Variants in RBFOX3 observed in about 807,000 individuals in gnomAD.
The protein encoded by RBFOX3 is RNA binding fox-1 homolog 3.
Under a neutral mutation model 48.7 loss-of-function variants are expected in RBFOX3, and 17 were observed. That is an observed-to-expected ratio of 0.35 (90% confidence interval 0.24 to 0.52). The LOEUF is 0.52. Ranked by LOEUF, RBFOX3 falls within the 20% of genes least tolerant of loss-of-function variation. The pLI is 0.94. For missense variants in RBFOX3, 382 were observed against 497.5 expected (o/e 0.77, Z 2.21); for synonymous variants, 212 against 209.5 (o/e 1.01, Z -0.10).
chr17:79,161,757 G>A (rs1303658170), intron 4 of RBFOX3, among the ~76,000 whole-genome samples: 1 of 39,852 alleles, frequency 2.5e-5, no homozygotes, highest in East Asian at 8.7e-4. Flanking sequence ...CATCACACCC[G>A]GCTAATTTTT....
Position 79,090,759 on chromosome 17 carries a change from G to A in RBFOX3, c.*124C>T. On this transcript the variant is annotated 3_prime_UTR_variant, in exon 15 of 15. Transcript: ENST00000693108. Reference sequence around the variant, plus strand: ...ACTTGGACTTGGTTGGATGCCTCTTGGTTTGGTTGGTTTTTTTTTTGTTGC... The same window carrying A: ...ACTTGGACTTGGTTGGATGCCTCTTAGTTTGGTTGGTTTTTTTTTTGTTGC... The A allele has an allele frequency of 8.2e-7, 1 of 1,223,774 alleles. No homozygotes were observed. The highest frequency in any genetic ancestry group is 1.7e-5 in the African/African-American group (1 of 60,582). The allele number at this position is 1,223,774 out of a possible 1,614,324, so 75.8% of individuals were successfully genotyped here.
At chr17:79,532,207 G>T (rs1339872044) in intron 1 of RBFOX3, among the ~76,000 whole-genome samples, 1 of 150,352 alleles carries the variant, frequency 6.7e-6, no homozygotes, top group Non-Finnish European at 1.5e-5. Context: ...GGAGGGGGGA[G>T]GGGAGGAGGA....
intron 1 of RBFOX3, among the ~76,000 whole-genome samples, chr17:79,512,540 G>A (rs904054301): frequency 1.4e-5 from 2 of 146,428 alleles, no homozygotes; most frequent in South Asian, 2.2e-4. Flanking sequence ...TGTTACCATC[G>A]GGTACAGCCC....
chr17:79,200,380 A>G (rs2146802355), intron 4 of RBFOX3, among the ~76,000 whole-genome samples: 1 of 152,334 alleles, frequency 6.6e-6, no homozygotes, highest in East Asian at 1.9e-4. Context: ...GGCAGCAGGC[A>G]GGGGGGCCAC....
At chr17:79,436,872 T>G (rs1555731427) in intron 2 of RBFOX3, among the ~76,000 whole-genome samples, 1 of 152,008 alleles carries the variant, frequency 6.6e-6, no homozygotes, top group Non-Finnish European at 1.5e-5. Flanking sequence ...GACAAAAAAC[T>G]GCCACCCACC....
chr17:79,321,169 C>T (rs1247222627), intron 2 of RBFOX3, among the ~76,000 whole-genome samples: 1 of 152,202 alleles, frequency 6.6e-6, no homozygotes, highest in Non-Finnish European at 1.5e-5. Flanking sequence ...CTGCAATGGG[C>T]TCAAAGACCA....
At chr17:79,222,299 G>A (rs1398863541) in intron 4 of RBFOX3, among the ~76,000 whole-genome samples, 2 of 151,816 alleles carry the variant, frequency 1.3e-5, no homozygotes, top group Non-Finnish European at 2.9e-5. Context: ...CTGGCCAGAA[G>A]GTACAGAGGC....
At chr17:79,186,957 C>G (rs1445423398) in intron 4 of RBFOX3, among the ~76,000 whole-genome samples, 2 of 152,238 alleles carry the variant, frequency 1.3e-5, no homozygotes, top group African/African-American at 4.8e-5. Context: ...CCCCAGCTTC[C>G]CTGAGCGTGC....
the RBFOX3 span, among the ~76,000 whole-genome samples, chr17:79,648,367 A>G: frequency 2.0e-3 from 308 of 152,298 alleles, no homozygotes; most frequent in African/African-American, 7.3e-3. Flanking sequence ...CCCCAGAGGC[A>G]GGTCACCCAA....
At chr17:79,256,403 A>T (rs534272733) in intron 3 of RBFOX3, among the ~76,000 whole-genome samples, 67 of 152,360 alleles carry the variant, frequency 4.4e-4, no homozygotes, top group African/African-American at 1.5e-3. Flanking sequence ...TGAAGCCCAG[A>T]GTGAGGATGG....
intron 1 of RBFOX3, among the ~76,000 whole-genome samples, chr17:79,587,555 C>T (rs925572233): frequency 2.0e-5 from 3 of 152,214 alleles, no homozygotes; most frequent in Non-Finnish European, 2.9e-5. Context: ...ACACCGGCAT[C>T]GTCTACAAAC....
chr17:79,121,624 C>T (rs929528382), intron 4 of RBFOX3, among the ~76,000 whole-genome samples: 5 of 152,154 alleles, frequency 3.3e-5, no homozygotes, highest in African/African-American at 1.2e-4. Context: ...GGGCCCTCAG[C>T]AGCATTAGCC....
At chr17:79,296,334 C>A (rs2074339401) in intron 3 of RBFOX3, among the ~76,000 whole-genome samples, 1 of 151,736 alleles carries the variant, frequency 6.6e-6, no homozygotes, top group Admixed American at 6.6e-5. Flanking sequence ...CACACAAAAT[C>A]TGATTTTGAT....
intron 3 of RBFOX3, among the ~76,000 whole-genome samples, chr17:79,294,143 G>C (rs1252309108): frequency 6.6e-6 from 1 of 152,202 alleles, no homozygotes; most frequent in African/African-American, 2.4e-5. Context: ...AAGTGAACCA[G>C]TTTTCTATTC....
chr17:79,323,294 G>T (rs1251785295), intron 2 of RBFOX3, among the ~76,000 whole-genome samples: 2 of 152,208 alleles, frequency 1.3e-5, no homozygotes, highest in Non-Finnish European at 2.9e-5. Flanking sequence ...AAAGCTCCCT[G>T]GGTCTGGAGA....
intron 4 of RBFOX3, among the ~76,000 whole-genome samples, chr17:79,176,281 G>A (rs2050523328): frequency 5.3e-5 from 8 of 152,202 alleles, no homozygotes; most frequent in Non-Finnish European, 1.2e-4. Context: ...GACAAGACTT[G>A]CTCCATTGCC....
rs2149448541 is a variant in RBFOX3, at chr17:79,477,763, A to G, written c.-175+4691T>C. Reference sequence around the variant, plus strand: ...GTGGCTGAGCCTGGCATCCTTCCTAAATATTTTCCAAATACATTTCTTAAT... The same window carrying G: ...GTGGCTGAGCCTGGCATCCTTCCTAGATATTTTCCAAATACATTTCTTAAT... On this transcript the variant is annotated intron_variant, in intron 2 of 14. Transcript: ENST00000693108. The surrounding 1 kb of genome is among the most constrained non-coding windows in gnomAD (Gnocchi z 4.8). 6.6e-6 allele frequency among the ~76,000 whole-genome samples: 1 copy of G among 152,300 alleles called. No individual in the cohort carries two copies. The highest frequency in any genetic ancestry group is 1.9e-4 in the East Asian group (1 of 5,180).
chr17:79,624,006 C>T, the RBFOX3 span, among the ~76,000 whole-genome samples: 4 of 152,188 alleles, frequency 2.6e-5, no homozygotes, highest in South Asian at 2.1e-4. Context: ...AGAAGAGGCC[C>T]GGAAACAGAC....
chr17:79,162,896 C>T (rs899073089), intron 4 of RBFOX3, among the ~76,000 whole-genome samples: 1 of 152,192 alleles, frequency 6.6e-6, no homozygotes, highest in Non-Finnish European at 1.5e-5. Context: ...TCTGATCAAG[C>T]GGTTCTCAAA....
Sources: gnomAD v4.1 joint callset for allele counts (sites outside exome capture counted in the v4.1 genomes callset) on GRCh38, gnomAD v4.1.1 for gene constraint, Gnocchi (gnomAD v3.1) non-coding constraint, MANE v1.5 for transcripts, NCBI Gene and HGNC (gene_info 2026-07-23, HGNC 2026-07-21) for gene names.